Variants in MPRIP observed in about 807,000 individuals in gnomAD.
The protein encoded by MPRIP is myosin phosphatase Rho interacting protein, also known as myosin phosphatase Rho-interacting protein.
A neutral mutation model predicts 234.9 loss-of-function variants in MPRIP; 59 were observed. The observed-to-expected ratio is 0.25, with a 90% confidence interval of 0.20 to 0.31. The LOEUF (loss-of-function observed/expected upper bound fraction) is 0.31. Ranked by LOEUF, MPRIP falls within the 10% of genes least tolerant of loss-of-function variation. The pLI, the probability that MPRIP is intolerant of heterozygous loss-of-function variation, is 1.00. For synonymous variants in MPRIP, 1,144 were observed against 1,263.9 expected (o/e 0.91, Z 2.01); for missense variants, 2,436 against 3,071.0 (o/e 0.79, Z 4.89).
intron 3 of MPRIP, chr17:17,096,901 C>T (rs2089859720): frequency 2.3e-6 from 1 of 435,140 alleles, no homozygotes; most frequent in Non-Finnish European, 4.8e-6. Flanking sequence ...GCATCCTTGT[C>T]TTCTAGAATC....
Position 17,137,823 on chromosome 17 carries a change from C to T in MPRIP, c.737-93C>T. The T allele has an allele frequency of 3.3e-6, 4 of 1,200,210 alleles. No homozygotes were observed. In the East Asian group the frequency reaches 8.1e-5, roughly 24 times the overall value. 74.3% of individuals were successfully genotyped at this position (1,200,210 alleles called of 1,614,324 possible). A position where few individuals can be genotyped will look rare whatever the true frequency, so the allele number is the denominator to read the frequency against. ...AGACGGGAGGTGGAGAAGGCCCCTG[C>T]TTGGATCCTACATGGGCTTTAAAAA... On this transcript the variant is annotated intron_variant, in intron 6 of 23. Transcript: ENST00000651222.
At chr17:17,152,303 C>T (rs1387580705) in intron 12 of MPRIP, among the ~76,000 whole-genome samples, 1 of 152,250 alleles carries the variant, frequency 6.6e-6, no homozygotes, top group African/African-American at 2.4e-5. Context: ...CCTCTCCTGC[C>T]GTCCACCTCC....
In MPRIP at chr17:17,143,685, G is replaced by A. The variant is rs771517736; in HGVS notation, c.1503+16G>A. 22 of 1,544,798 alleles carry A rather than the reference G, an allele frequency of 1.4e-5. No homozygotes were observed. Among genetic ancestry groups the A allele is most frequent in the South Asian group, 3.5e-5 (3 of 84,918 alleles). On this transcript the variant is annotated intron_variant, in intron 9 of 23. Coordinates refer to ENST00000651222, the MANE Select transcript of MPRIP (RefSeq NM_001364716.4). ...CTCCGTGACGGTGAGCCCAGGCGCC[G>A]CGTCCTCCGGAGGCCGTGCTCCTCT... is the stretch of plus-strand genomic sequence containing the variant.
chr17:17,147,242 CT>C, intron 10 of MPRIP, 76 bp from the exon 11 acceptor site: 1 of 1,416,116 alleles, frequency 7.1e-7, no homozygotes, highest in Non-Finnish European at 1.0e-6. Flanking sequence ...CAGGCTCTGG[CT>C]GCGCACCGCC....
intron 1 of MPRIP, among the ~76,000 whole-genome samples, chr17:17,067,685 A>T (rs1291871301): frequency 5.3e-5 from 8 of 152,084 alleles, no homozygotes; most frequent in African/African-American, 1.9e-4. Flanking sequence ...TTTCATTTTT[A>T]AAAAATTTTG....
At chr17:17,098,650 TG>T (rs2144200317) in intron 3 of MPRIP, among the ~76,000 whole-genome samples, 1 of 152,142 alleles carries the variant, frequency 6.6e-6, no homozygotes, top group East Asian at 1.9e-4. Context: ...CCTCTGCATA[TG>T]GGATGGCCAA....
chr17:17,188,873 T>C lies in MPRIP; in HGVS notation c.*3979T>C, dbSNP rs2046529357. ...GCAGCCAGGTCCCTACACAAACAAG[T>C]AATCCTGTTTGGCCTCCTAGGTTTT... On this transcript the variant is annotated 3_prime_UTR_variant, in exon 24 of 24. Transcript: ENST00000651222. The C allele has an allele frequency of 6.6e-6, 1 of 152,226 alleles. No homozygotes were observed. Among genetic ancestry groups the C allele is most frequent in the East Asian group, 1.9e-4 (1 of 5,190 alleles). The allele number at this position is 152,226 out of a possible 1,614,324, so 9.4% of individuals were successfully genotyped here. A position where few individuals can be genotyped will look rare whatever the true frequency, so the allele number is the denominator to read the frequency against.
At position 17,138,929 on chromosome 17, in the gene MPRIP, A is replaced by C. The variant is rs1264614983; in HGVS notation, c.1250+500A>C. ...CAGCACAGGTTCCTCTCTCAAGGAC[A>C]TGCTCCCTGGGGAGCCACAGCCCCA... On this transcript the variant is annotated intron_variant, in intron 7 of 23. Transcript: ENST00000651222. This position sits in a 1 kb window ranked among gnomAD's most constrained non-coding sequence, Gnocchi z 5.8. Among the ~76,000 whole-genome samples the C allele has an allele frequency of 1.3e-5, 2 of 152,208 alleles. No homozygotes were observed. Among genetic ancestry groups the C allele is most frequent in the East Asian group, 1.9e-4 (1 of 5,196 alleles).
chr17:17,151,014 T>TATC (rs2045590065), intron 12 of MPRIP, among the ~76,000 whole-genome samples: 1 of 43,900 alleles, frequency 2.3e-5, no homozygotes, highest in Middle Eastern at 0.011. Context: ...CCCAGCTTAT[T>TATC]ATTATTATTA....
intron 12 of MPRIP, among the ~76,000 whole-genome samples, chr17:17,151,550 G>A (rs993367176): frequency 2.0e-5 from 3 of 152,174 alleles, no homozygotes; most frequent in South Asian, 2.1e-4. Context: ...AGCCCTTCCC[G>A]CCATGGTTGG....
rs573247427 is a variant in MPRIP, at chr17:17,076,065, G to A, written c.201+278G>A. ...CTCTAGGAACAGTAAAATGGAAGAG[G>A]CAAAAGAGCAGTTAAAGGTTTGCAT... On this transcript the variant is annotated intron_variant, in intron 2 of 23. Transcript: ENST00000651222. 1.3e-4 allele frequency: 50 copies of A among 396,766 alleles called. No individual in the cohort carries two copies. In the Middle Eastern group the frequency reaches 3.3e-3, roughly 26 times the overall value. The allele number at this position is 396,766 out of a possible 1,614,324, so 24.6% of individuals were successfully genotyped here. A position where few individuals can be genotyped will look rare whatever the true frequency, so the allele number is the denominator to read the frequency against.
At chr17:17,102,548 C>A (rs1597806604) in intron 3 of MPRIP, among the ~76,000 whole-genome samples, 1 of 152,360 alleles carries the variant, frequency 6.6e-6, no homozygotes, top group Admixed American at 6.5e-5. Context: ...GCAGCCTTGG[C>A]TAAGCCACTT....
intron 7 of MPRIP, among the ~76,000 whole-genome samples, chr17:17,139,578 G>A (rs889126190): frequency 6.6e-6 from 1 of 152,214 alleles, no homozygotes; most frequent in African/African-American, 2.4e-5. Context: ...GCTACCAGGA[G>A]GGACAGGTGA....
rs2046450755 is a variant in MPRIP at position 17,185,130 on chromosome 17, G to A, written c.*236G>A. 2.6e-6 allele frequency: 1 copy of A among 389,210 alleles called. No individual in the cohort carries two copies. Among genetic ancestry groups the A allele is most frequent in the East Asian group, 5.4e-5 (1 of 18,662 alleles). 24.1% of individuals were successfully genotyped at this position (389,210 alleles called of 1,614,324 possible). On this transcript the variant is annotated 3_prime_UTR_variant, in exon 24 of 24. Transcript: ENST00000651222. ...TTTTTTCCGTGGTATTCTAAAATTA[G>A]GCCAGCAGTGGGGGCTGGGAGGGCA... is the stretch of plus-strand genomic sequence containing the variant.
intron 1 of MPRIP, among the ~76,000 whole-genome samples, chr17:17,070,668 G>T (rs908163993): frequency 6.6e-6 from 1 of 152,114 alleles, no homozygotes; most frequent in Non-Finnish European, 1.5e-5. Context: ...ATAATTTCTT[G>T]TTGAAGCATT....
In MPRIP at chr17:17,164,094, A is replaced by C; in HGVS notation, c.2518-15A>C. 1 of 1,303,446 alleles carries C rather than the reference A, an allele frequency of 7.7e-7. No individual in the cohort carries two copies. The highest frequency in any genetic ancestry group is 1.0e-6 in the Non-Finnish European group (1 of 988,424). The allele number at this position is 1,303,446 out of a possible 1,614,324, so 80.7% of individuals were successfully genotyped here. On this transcript the variant is annotated splice_polypyrimidine_tract_variant and intron_variant, in intron 15 of 23. Coordinates refer to ENST00000651222, the MANE Select transcript of MPRIP (RefSeq NM_001364716.4). Reference sequence around the variant, plus strand: ...CCCGAGTGTTACTAACCAGTATTTAATCGGTTTTTTTAAGACTGAAGTGGC... The same window carrying C: ...CCCGAGTGTTACTAACCAGTATTTACTCGGTTTTTTTAAGACTGAAGTGGC...
intron 4 of MPRIP, among the ~76,000 whole-genome samples, chr17:17,127,912 G>A (rs943144990): frequency 1.3e-5 from 2 of 152,166 alleles, no homozygotes; most frequent in Non-Finnish European, 2.9e-5. Context: ...GCTGGGTCCC[G>A]GGGGCGCTCT....
At chr17:17,162,683 A>T (rs1041556920) in intron 15 of MPRIP, among the ~76,000 whole-genome samples, 1 of 152,216 alleles carries the variant, frequency 6.6e-6, no homozygotes. Context: ...GCTTCAAATC[A>T]GGTAGTAAAG....
At chr17:17,102,882 C>G (rs2089991442) in intron 3 of MPRIP, among the ~76,000 whole-genome samples, 1 of 152,252 alleles carries the variant, frequency 6.6e-6, no homozygotes, top group Admixed American at 6.5e-5. Context: ...TTCTTCCTGC[C>G]CTTACCCAGC....
Sources: allele counts gnomAD v4.1 joint callset (sites outside exome capture counted in the v4.1 genomes callset), GRCh38; gene constraint gnomAD v4.1.1; non-coding constraint Gnocchi (gnomAD v3.1); transcripts MANE v1.5; gene names NCBI Gene and HGNC (gene_info 2026-07-23, HGNC 2026-07-21).